Variants in SLC6A11 observed in about 807,000 individuals in gnomAD.
The protein encoded by SLC6A11 is sodium- and chloride-dependent GABA transporter 3.
A neutral mutation model predicts 74.8 loss-of-function variants in SLC6A11; 25 were observed. The ratio of observed to expected loss-of-function variants is 0.33; its 90% CI spans 0.24 to 0.47. The LOEUF (loss-of-function observed/expected upper bound fraction) is 0.47, where lower values mean the gene tolerates loss of function less well. Among genes scored for constraint, SLC6A11 ranks in the 20% least tolerant of loss-of-function variants. The probability of loss-of-function intolerance (pLI) is 1.00; values close to 1 mark genes in which losing one functional copy is unlikely to be tolerated. For synonymous variants in SLC6A11, 330 were observed against 330.2 expected (o/e 1.00, Z 0.01); for missense variants, 574 against 837.0 (o/e 0.69, Z 3.88).
chr3:10,937,370 T>C (rs376329313), intron 13 of SLC6A11, among the ~76,000 whole-genome samples: 18 of 152,318 alleles, frequency 1.2e-4, no homozygotes, highest in East Asian at 1.2e-3. Flanking sequence ...GAGGCACCTA[T>C]TAATCGCACA....
intron 9 of SLC6A11, among the ~76,000 whole-genome samples, chr3:10,928,336 A>G (rs1695636565): frequency 6.6e-6 from 1 of 152,098 alleles, no homozygotes; most frequent in African/African-American, 2.4e-5. Flanking sequence ...TAAGCAGGAA[A>G]GGGCCCCCAG....
Position 10,938,493 on chromosome 3 carries a change from G to A in SLC6A11, c.*91G>A, listed in dbSNP as rs971096109. 1.5e-6 allele frequency: 2 copies of A among 1,371,210 alleles called. No individual in the cohort carries two copies. Among genetic ancestry groups the A allele is most frequent in the South Asian group, 1.5e-5 (1 of 68,506 alleles). 84.9% of individuals were successfully genotyped at this position (1,371,210 alleles called of 1,614,324 possible). A position where few individuals can be genotyped will look rare whatever the true frequency, so the allele number is the denominator to read the frequency against. On this transcript the variant is annotated 3_prime_UTR_variant, in exon 14 of 14. Transcript: ENST00000254488. The stretch of plus-strand genomic sequence containing the variant: ...ACCCCATACTTCACCTAATGGTAGG[G>A]GCTTGCTTGTTTTGCACAGGATTAA...
At chr3:10,842,603 T>A (rs1035770135) in intron 4 of SLC6A11, among the ~76,000 whole-genome samples, 16 of 152,234 alleles carry the variant, frequency 1.1e-4, no homozygotes, top group African/African-American at 3.4e-4. Flanking sequence ...CCTCCTTTCT[T>A]TCATAAATAA....
At position 10,816,561 on chromosome 3, in the gene SLC6A11, G is replaced by C. The variant is rs752938648; in HGVS notation, c.256+40G>C. 2.0e-6 allele frequency: 3 copies of C among 1,519,432 alleles called. No homozygotes were observed. The highest frequency in any genetic ancestry group is 8.8e-7 in the Non-Finnish European group (1 of 1,131,018). The allele number at this position is 1,519,432 out of a possible 1,614,324, so 94.1% of individuals were successfully genotyped here. On this transcript the variant is annotated intron_variant, in intron 1 of 13. Coordinates refer to ENST00000254488, the MANE Select transcript of SLC6A11 (RefSeq NM_014229.3). The surrounding 1 kb of genome is among the most constrained non-coding windows in gnomAD (Gnocchi z 4.2). ...AGGAGAAGGGGAGGGGGCGCCAACC[G>C]CCCGGTGGGGGCGGGGAGCCAGGGG...
chr3:10,912,098 A>G lies in SLC6A11; in HGVS notation c.900A>G (p.Val300=). 2 of 1,611,886 alleles carry G rather than the reference A, an allele frequency of 1.2e-6. No individual in the cohort carries two copies. The highest frequency in any genetic ancestry group is 2.2e-5 in the East Asian group (1 of 44,874). The change falls in exon 7 of 14, where the codon GTA becomes GTG. Residue 300 remains valine, a synonymous_variant. Transcript: ENST00000254488. ...TTTGTGCCTTCCTACAGGTCTGGGT[A>G]GATGCTGGAACGCAGATCTTTTTCT... ...LSRLSDPQVW[V]DAGTQIFFSY...
At chr3:10,862,481 G>A (rs1405074523) in intron 5 of SLC6A11, among the ~76,000 whole-genome samples, 1 of 152,130 alleles carries the variant, frequency 6.6e-6, no homozygotes, top group African/African-American at 2.4e-5. Flanking sequence ...CTGTGGACAG[G>A]GATTTAAATT....
At chr3:10,848,535 A>T (rs1575675040) in intron 5 of SLC6A11, among the ~76,000 whole-genome samples, 3 of 152,278 alleles carry the variant, frequency 2.0e-5, no homozygotes, top group Middle Eastern at 6.8e-3. Context: ...GATTCCCTAC[A>T]CCCCAGCTTC....
At chr3:10,896,602 G>C (rs1695174317) in intron 6 of SLC6A11, among the ~76,000 whole-genome samples, 2 of 152,210 alleles carry the variant, frequency 1.3e-5, no homozygotes, top group South Asian at 4.1e-4. Flanking sequence ...ACCCAGAAGG[G>C]AAATGGCTGA....
chr3:10,842,269 C>G (rs1694448334), intron 4 of SLC6A11, among the ~76,000 whole-genome samples: 1 of 152,162 alleles, frequency 6.6e-6, no homozygotes, highest in Non-Finnish European at 1.5e-5. Flanking sequence ...GTAGATCACT[C>G]CTTCATTACC....
Position 10,892,198 on chromosome 3 carries a change from G to T in SLC6A11, c.891+17103G>T, listed in dbSNP as rs376929284. Among the ~76,000 whole-genome samples, 185 of 152,368 alleles carry T rather than the reference G, an allele frequency of 1.2e-3. 8 individuals are homozygous for T. In the South Asian group the frequency reaches 0.035, roughly 28 times the overall value. On this transcript the variant is annotated intron_variant, in intron 6 of 13. Transcript: ENST00000254488. Reference sequence around the variant, plus strand: ...TCCTTCTCTGAAAACTCACTGGTGTGTGAATCTCATGTTCCATTTCTCTCA... The same window carrying T: ...TCCTTCTCTGAAAACTCACTGGTGTTTGAATCTCATGTTCCATTTCTCTCA...
chr3:10,934,952 TC>T (rs1354117717), intron 12 of SLC6A11, 76 bp from the exon 13 acceptor site: 1 of 1,310,840 alleles, frequency 7.6e-7, no homozygotes, highest in Non-Finnish European at 1.1e-6. Context: ...GCTAGTCTGT[TC>T]CTGGGCCTCA....
At chr3:10,870,883 C>G (rs1206019547) in intron 5 of SLC6A11, among the ~76,000 whole-genome samples, 1 of 152,184 alleles carries the variant, frequency 6.6e-6, no homozygotes, top group Admixed American at 6.5e-5. Context: ...CAGCCTAACT[C>G]TTTGTCTGCA....
intron 4 of SLC6A11, among the ~76,000 whole-genome samples, chr3:10,826,786 C>A (rs1002347823): frequency 6.6e-6 from 1 of 152,184 alleles, no homozygotes; most frequent in Admixed American, 6.5e-5. Flanking sequence ...AGCCTCTCAC[C>A]CAACAGCATT....
Position 10,935,137 on chromosome 3 carries a change from A to C in SLC6A11, c.1684A>C (p.Met562Leu), listed in dbSNP as rs1575710260. 1 of 1,614,150 alleles carries C rather than the reference A, an allele frequency of 6.2e-7. No homozygotes were observed. Among genetic ancestry groups the C allele is most frequent in the African/African-American group, 1.3e-5 (1 of 75,040 alleles). ...TGGCTGGCTCATGGCCCTGTCCTCC[A>C]TGCTCTGCATCCCGCTCTGGATCTG... Reference protein sequence around the residue: ...GIGWLMALSSMLCIPLWICIT... With the variant: ...GIGWLMALSSLLCIPLWICIT... Residue 562 changes from methionine (M) to leucine (L), a missense_variant, in exon 13 of 14, where the codon ATG (methionine) becomes CTG (leucine). Physicochemically the swap from Met to Leu is conservative, Grantham distance 15. Around this residue, in one of 4 missense-constraint regions of SLC6A11, gnomAD observed 257 missense variants for 341.5 expected, o/e 0.75. Coordinates refer to ENST00000254488, the MANE Select transcript of SLC6A11 (RefSeq NM_014229.3).
intron 13 of SLC6A11, among the ~76,000 whole-genome samples, chr3:10,937,679 T>C (rs1427090210): frequency 6.6e-6 from 1 of 152,164 alleles, no homozygotes; most frequent in Admixed American, 6.5e-5. Context: ...AGCCAGCTGG[T>C]GCGGGCTGCT....
chr3:10,871,072 G>A (rs928876816), intron 5 of SLC6A11, among the ~76,000 whole-genome samples: 8 of 152,202 alleles, frequency 5.3e-5, no homozygotes, highest in South Asian at 2.1e-4. Flanking sequence ...CAATGGAATT[G>A]CTTCAAAATT....
At chr3:10,889,287 C>T (rs934791030) in intron 6 of SLC6A11, among the ~76,000 whole-genome samples, 1 of 151,976 alleles carries the variant, frequency 6.6e-6, no homozygotes, top group African/African-American at 2.4e-5. Flanking sequence ...TAATTAAATC[C>T]ATAGTTGACA....
rs547193423 is a variant in SLC6A11, at chr3:10,917,443, C to A, written c.996-886C>A. Among the ~76,000 whole-genome samples, 44 of 152,298 alleles carry A rather than the reference C, an allele frequency of 2.9e-4. 1 individual carries two copies. In the South Asian group the frequency reaches 8.9e-3, roughly 31 times the overall value. ...CAGGAGGTTGAACAAGGTCACCTGG[C>A]AGCTCCTCCCCTATAAAATGGGGTA... On this transcript the variant is annotated intron_variant, in intron 7 of 13. Transcript: ENST00000254488.
chr3:10,868,747 A>T (rs1269856737), intron 5 of SLC6A11, among the ~76,000 whole-genome samples: 1 of 152,242 alleles, frequency 6.6e-6, no homozygotes, highest in Non-Finnish European at 1.5e-5. Context: ...ATAGTTCAGC[A>T]TAATGCCTGA....
Sources: gnomAD v4.1 joint callset for allele counts (sites outside exome capture counted in the v4.1 genomes callset) on GRCh38, gnomAD v4.1.1 for gene constraint, gnomAD v4.1.1 regional missense constraint, Gnocchi (gnomAD v3.1) non-coding constraint, MANE v1.5 for transcripts, NCBI Gene and HGNC (gene_info 2026-07-23, HGNC 2026-07-21) for gene names.